Variants in CDH13 observed in about 807,000 individuals in gnomAD.
The protein encoded by CDH13 is cadherin 13, also known as cadherin-13.
A neutral mutation model predicts 63.8 loss-of-function variants in CDH13; 24 were observed. The ratio of observed to expected loss-of-function variants is 0.38; its 90% CI spans 0.27 to 0.53. The LOEUF is 0.53. Among genes scored for constraint, CDH13 ranks in the 20% least tolerant of loss-of-function variants. CDH13 has a pLI of 0.85. For missense variants in CDH13, 1,049 were observed against 903.1 expected (o/e 1.16, Z -2.07); for synonymous variants, 503 against 355.3 (o/e 1.42, Z -4.67).
intron 6 of CDH13, among the ~76,000 whole-genome samples, chr16:83,446,619 C>T (rs1386086430): frequency 1.3e-5 from 2 of 152,166 alleles, no homozygotes; most frequent in South Asian, 4.1e-4. Flanking sequence ...ATTTTCTGCT[C>T]ATTTCTCCAT....
At chr16:82,667,490 G>A (rs1912732516) in intron 1 of CDH13, among the ~76,000 whole-genome samples, 2 of 152,198 alleles carry the variant, frequency 1.3e-5, no homozygotes, top group South Asian at 4.1e-4. Context: ...TGGCTCAAGG[G>A]GCGTTCCTTT....
intron 2 of CDH13, among the ~76,000 whole-genome samples, chr16:82,875,044 G>A (rs1459067173): frequency 1.3e-5 from 2 of 152,186 alleles, no homozygotes; most frequent in Non-Finnish European, 2.9e-5. Flanking sequence ...CCCAAATAAA[G>A]GCCTGGAGTC....
chr16:82,680,848 G>A (rs946037485), intron 1 of CDH13, among the ~76,000 whole-genome samples: 2 of 152,168 alleles, frequency 1.3e-5, no homozygotes, highest in South Asian at 2.1e-4. Flanking sequence ...GGAGAGGACC[G>A]CCTAACCTGG....
At chr16:83,397,070 T>C (rs1015628955) in intron 6 of CDH13, among the ~76,000 whole-genome samples, 11 of 152,090 alleles carry the variant, frequency 7.2e-5, no homozygotes, top group African/African-American at 2.7e-4. Context: ...TGGCCCTTTC[T>C]CCTGGCTTTC....
intron 2 of CDH13, among the ~76,000 whole-genome samples, chr16:83,004,716 C>G (rs978602342): frequency 2.0e-5 from 3 of 152,162 alleles, no homozygotes; most frequent in Admixed American, 6.5e-5. Context: ...TGGCCTCAAA[C>G]TCCTGACCTC....
intron 2 of CDH13, among the ~76,000 whole-genome samples, chr16:82,961,835 G>C (rs1198357010): frequency 3.9e-5 from 6 of 152,112 alleles, no homozygotes; most frequent in Non-Finnish European, 8.8e-5. Context: ...CGTTGGGATG[G>C]GGGCTGCCGT....
chr16:83,245,611 T>A (rs933483722), intron 5 of CDH13, among the ~76,000 whole-genome samples: 4 of 152,278 alleles, frequency 2.6e-5, no homozygotes, highest in African/African-American at 9.6e-5. Flanking sequence ...TCATTTGAAT[T>A]GTAAATTCAA....
At chr16:83,311,789 A>C (rs976300929) in intron 5 of CDH13, among the ~76,000 whole-genome samples, 8 of 152,210 alleles carry the variant, frequency 5.3e-5, no homozygotes, top group African/African-American at 1.9e-4. Context: ...TAAAAGAAGA[A>C]CCTTGCCAGG....
At chr16:82,739,502 T>A (rs1255102581) in intron 1 of CDH13, among the ~76,000 whole-genome samples, 1 of 152,240 alleles carries the variant, frequency 6.6e-6, no homozygotes, top group African/African-American at 2.4e-5. Flanking sequence ...AGTAACAGTT[T>A]ACAAAGGTAA....
intron 1 of CDH13, among the ~76,000 whole-genome samples, chr16:82,731,270 A>G (rs2033389675): frequency 6.6e-6 from 1 of 152,246 alleles, no homozygotes; most frequent in African/African-American, 2.4e-5. Context: ...CTGCAGCTGA[A>G]GAGTGGAAAA....
intron 3 of CDH13, among the ~76,000 whole-genome samples, chr16:83,078,268 G>A (rs553621596): frequency 2.6e-5 from 4 of 152,098 alleles, no homozygotes; most frequent in African/African-American, 9.7e-5. Flanking sequence ...TCTCTGTTCT[G>A]TAAACAAGCA....
intron 6 of CDH13, among the ~76,000 whole-genome samples, chr16:83,483,990 G>T (rs1007204630): frequency 6.6e-6 from 1 of 152,140 alleles, no homozygotes; most frequent in Non-Finnish European, 1.5e-5. Flanking sequence ...CTTGAAGCTT[G>T]CCCTGAGACC....
rs181632608 is a variant in CDH13 at position 82,635,754 on chromosome 16, T to G, written c.45+8617T>G. Among the ~76,000 whole-genome samples the G allele has an allele frequency of 3.3e-5, 5 of 152,308 alleles. No homozygotes were observed. The East Asian group carries it at 9.6e-4, about 29-fold the overall frequency. ...GGTCTCTGTCCCCACCCAAATCTCATGTCATATTGTAATCCCTAATGTTGG... is the reference window on the plus strand; with the variant it reads ...GGTCTCTGTCCCCACCCAAATCTCAGGTCATATTGTAATCCCTAATGTTGG... On this transcript the variant is annotated intron_variant, in intron 1 of 13. Transcript: ENST00000567109.
chr16:83,695,309 T>C (rs949911361), intron 10 of CDH13, among the ~76,000 whole-genome samples: 8 of 152,386 alleles, frequency 5.2e-5, no homozygotes, highest in African/African-American at 1.9e-4. Context: ...AGCTCACATA[T>C]GACTCAGCAT....
intron 5 of CDH13, among the ~76,000 whole-genome samples, chr16:83,314,103 C>T (rs952832433): frequency 1.3e-5 from 2 of 152,170 alleles, no homozygotes; most frequent in African/African-American, 4.8e-5. Context: ...TCTAGCATTG[C>T]TCTAATCAAA....
At chr16:83,667,526 C>G (rs1409418011) in intron 8 of CDH13, among the ~76,000 whole-genome samples, 2 of 152,166 alleles carry the variant, frequency 1.3e-5, no homozygotes, top group Non-Finnish European at 2.9e-5. Flanking sequence ...GTGTTGGGCA[C>G]TGTGCTGTTT....
intron 8 of CDH13, among the ~76,000 whole-genome samples, chr16:83,631,163 G>C (rs7204593): frequency 0.88 from 133,293 of 152,226 alleles, 58,431 homozygotes; most frequent in Middle Eastern, 0.96. Flanking sequence ...ACGAGCGCAA[G>C]TTGTAAAGGC....
chr16:83,593,893 G>A (rs1023345866), intron 7 of CDH13, among the ~76,000 whole-genome samples: 1 of 152,154 alleles, frequency 6.6e-6, no homozygotes. Context: ...GGTAGGTGCT[G>A]GGGAAAACGG....
At chr16:83,578,582 G>T (rs981656206) in intron 7 of CDH13, among the ~76,000 whole-genome samples, 12 of 152,080 alleles carry the variant, frequency 7.9e-5, no homozygotes, top group African/African-American at 2.7e-4. Flanking sequence ...AGGTACTAAG[G>T]GCAGTAAATA....
Sources: gnomAD v4.1 joint callset for allele counts (sites outside exome capture counted in the v4.1 genomes callset) on GRCh38, gnomAD v4.1.1 for gene constraint, MANE v1.5 for transcripts, NCBI Gene and HGNC (gene_info 2026-07-23, HGNC 2026-07-21) for gene names.